The following CHP1 variants were observed in gnomAD, a reference collection of about 807,000 sequenced individuals.
CHP1 encodes calcineurin B homologous protein 1.
A neutral mutation model predicts 27.4 loss-of-function variants in CHP1; 11 were observed. The observed-to-expected ratio is 0.40, with a 90% confidence interval of 0.25 to 0.67. The LOEUF is 0.67. CHP1 is among the 30% of genes least tolerant of loss of function. The pLI, the probability that CHP1 is intolerant of heterozygous loss-of-function variation, is 0.38. For synonymous variants in CHP1, 89 were observed against 87.4 expected (o/e 1.02, Z -0.10); for missense variants, 169 against 251.3 (o/e 0.67, Z 2.22).
At chr15:41,266,942 G>A (rs1438618755) in intron 4 of CHP1, among the ~76,000 whole-genome samples, 1 of 152,072 alleles carries the variant, frequency 6.6e-6, no homozygotes, top group Admixed American at 6.6e-5. Flanking sequence ...GGAGGTTGCA[G>A]TGAGCTGAGA....
chr15:41,251,887 C>A (rs1403264149), intron 2 of CHP1, among the ~76,000 whole-genome samples: 1 of 150,538 alleles, frequency 6.6e-6, no homozygotes, highest in Non-Finnish European at 1.5e-5. Flanking sequence ...GGATTACAGG[C>A]ACATGCCACT....
chr15:41,249,640 T>C (rs904964995), intron 2 of CHP1, among the ~76,000 whole-genome samples: 1 of 151,502 alleles, frequency 6.6e-6, no homozygotes, highest in Non-Finnish European at 1.5e-5. Flanking sequence ...ACCCAGCTAA[T>C]TTTTTGTATT....
chr15:41,271,748 C>T (rs986396812), intron 5 of CHP1, among the ~76,000 whole-genome samples: 27 of 152,154 alleles, frequency 1.8e-4, no homozygotes, highest in African/African-American at 6.5e-4. Context: ...TCAGGAGCAA[C>T]CCAACGTATT....
intron 3 of CHP1, among the ~76,000 whole-genome samples, chr15:41,258,484 T>G (rs1355877298): frequency 6.6e-6 from 1 of 152,226 alleles, no homozygotes; most frequent in Admixed American, 6.5e-5. Flanking sequence ...CTGGGTCAGT[T>G]GTCATGTCTC....
intron 5 of CHP1, among the ~76,000 whole-genome samples, chr15:41,274,905 C>T (rs1026895828): frequency 6.6e-6 from 1 of 151,192 alleles, no homozygotes; most frequent in East Asian, 2.0e-4. Flanking sequence ...ACTGTCCTCC[C>T]ATAGCCTCCT....
intron 5 of CHP1, among the ~76,000 whole-genome samples, chr15:41,271,871 A>G (rs966717014): frequency 6.6e-6 from 1 of 152,234 alleles, no homozygotes; most frequent in Non-Finnish European, 1.5e-5. Context: ...GAAAGTTGCC[A>G]CATATGGGCT....
In CHP1 at chr15:41,278,250, G is replaced by A. The variant is rs373878907; in HGVS notation, c.412-517G>A. 7.0e-4 allele frequency among the ~76,000 whole-genome samples: 104 copies of A among 149,176 alleles called. 2 individuals carry two copies. In the South Asian group the frequency reaches 0.019, roughly 28 times the overall value. ...CAGGAGGCTGAGGCAGGAGAACGGC[G>A]TGAACCCGGGAGGCAGAGCTTGCAG... On this transcript the variant is annotated intron_variant, in intron 5 of 6. Coordinates refer to ENST00000334660, the MANE Select transcript of CHP1 (RefSeq NM_007236.5).
intron 1 of CHP1, among the ~76,000 whole-genome samples, chr15:41,235,530 A>G (rs2047272514): frequency 6.6e-6 from 1 of 152,092 alleles, no homozygotes; most frequent in Non-Finnish European, 1.5e-5. Flanking sequence ...AAAAAAAAAC[A>G]AAAACAAACA....
At chr15:41,238,624 A>G (rs907819982) in intron 1 of CHP1, among the ~76,000 whole-genome samples, 7 of 151,514 alleles carry the variant, frequency 4.6e-5, no homozygotes, top group African/African-American at 1.7e-4. Flanking sequence ...GTGGATCACG[A>G]GGTCGGGAGA....
At chr15:41,248,347 CA>C (rs754526821) in intron 2 of CHP1, among the ~76,000 whole-genome samples, 1 of 151,914 alleles carries the variant, frequency 6.6e-6, no homozygotes, top group Non-Finnish European at 1.5e-5. Flanking sequence ...AGCAAAAAAG[CA>C]AAAAAGCGCA....
chr15:41,240,418 G>T (rs2047300281), intron 1 of CHP1, among the ~76,000 whole-genome samples: 1 of 152,122 alleles, frequency 6.6e-6, no homozygotes, highest in South Asian at 2.1e-4. Flanking sequence ...TGAAAAGCAA[G>T]CTATTACAAC....
intron 5 of CHP1, 109 bp downstream of exon 5, chr15:41,270,727 C>A: frequency 2.4e-6 from 2 of 846,218 alleles, no homozygotes; most frequent in Non-Finnish European, 4.0e-6. Flanking sequence ...CTGCTATGTG[C>A]AGAGTCCTGT....
chr15:41,279,079 C>T lies in CHP1; in HGVS notation c.534+190C>T, dbSNP rs147947486. Among the ~76,000 whole-genome samples the T allele has an allele frequency of 6.3e-4, 96 of 152,040 alleles. 1 individual carries two copies. In the East Asian group the frequency reaches 0.016, roughly 25 times the overall value. ...TACAAAAATTAGCCAGGCGTGGTGG[C>T]GCGTGCCTGTAATCCCAGCTACTTG... is the stretch of plus-strand genomic sequence containing the variant. On this transcript the variant is annotated intron_variant, in intron 6 of 6. Coordinates refer to ENST00000334660, the MANE Select transcript of CHP1 (RefSeq NM_007236.5).
At chr15:41,246,678 G>T (rs1480508853) in intron 2 of CHP1, among the ~76,000 whole-genome samples, 6 of 131,702 alleles carry the variant, frequency 4.6e-5, no homozygotes, top group Admixed American at 9.0e-5. Context: ...TGTAGCCCAT[G>T]GTCTCGATAT....
rs921792746 is a variant in CHP1, at chr15:41,256,783, A to C, written c.141-127A>C. ...GCTATTCTTTGCAGTTATTTGGTAT[A>C]ATTTGCCACAGAAGTAAATTCCAGG... On this transcript the variant is annotated intron_variant, in intron 2 of 6. Transcript: ENST00000334660. 4 of 747,416 alleles carry C rather than the reference A, an allele frequency of 5.4e-6. No homozygotes were observed. In the African/African-American group the frequency reaches 7.0e-5, roughly 13 times the overall value. The allele number at this position is 747,416 out of a possible 1,614,324, so 46.3% of individuals were successfully genotyped here. A position where few individuals can be genotyped will look rare whatever the true frequency, so the allele number is the denominator to read the frequency against.
intron 2 of CHP1, among the ~76,000 whole-genome samples, chr15:41,248,270 G>A (rs1046371997): frequency 5.9e-5 from 9 of 151,646 alleles, no homozygotes; most frequent in African/African-American, 2.2e-4. Flanking sequence ...CACCTCAGCT[G>A]CCCAAGTAGC....
At chr15:41,253,449 ATTT>A (rs2047381400) in intron 2 of CHP1, among the ~76,000 whole-genome samples, 1 of 149,104 alleles carries the variant, frequency 6.7e-6, no homozygotes, top group Admixed American at 6.8e-5. Context: ...TTATTTATTT[ATTT>A]ATTTATTTAT....
At chr15:41,268,820 C>T (rs1157637380) in intron 4 of CHP1, among the ~76,000 whole-genome samples, 2 of 151,466 alleles carry the variant, frequency 1.3e-5, no homozygotes, top group African/African-American at 4.9e-5. Flanking sequence ...ATTAGCCAGG[C>T]GTGGTGGTGG....
intron 1 of CHP1, among the ~76,000 whole-genome samples, chr15:41,233,628 G>C (rs545202736): frequency 6.6e-6 from 1 of 152,208 alleles, no homozygotes; most frequent in African/African-American, 2.4e-5. Context: ...AGCAGATGGT[G>C]ACAAAAAACG....
Sources: allele counts gnomAD v4.1 joint callset (sites outside exome capture counted in the v4.1 genomes callset), GRCh38; gene constraint gnomAD v4.1.1; transcripts MANE v1.5; gene names NCBI Gene and HGNC (gene_info 2026-07-23, HGNC 2026-07-21).